The following SPTLC3 variants were observed in gnomAD, a reference collection of about 807,000 sequenced individuals.
SPTLC3 encodes the protein serine palmitoyltransferase long chain base subunit 3.
A neutral mutation model predicts 59.3 loss-of-function variants in SPTLC3; 36 were observed. That is an observed-to-expected ratio of 0.61 (90% CI 0.47 to 0.80). The LOEUF (loss-of-function observed/expected upper bound fraction) is 0.80, where lower values mean the gene tolerates loss of function less well. SPTLC3 is among the 30% of genes least tolerant of loss of function. SPTLC3 has a pLI of 0.00. For missense variants in SPTLC3, 625 were observed against 685.1 expected (o/e 0.91, Z 0.98); for synonymous variants, 257 against 240.8 (o/e 1.07, Z -0.62).
intron 1 of SPTLC3, among the ~76,000 whole-genome samples, chr20:13,026,909 C>A (rs1212673174): frequency 5.9e-5 from 9 of 152,172 alleles, no homozygotes; most frequent in African/African-American, 9.7e-5. Flanking sequence ...AGATTCAACA[C>A]CCCCTAGAAG....
chr20:13,094,782 C>T (rs1465487085), intron 6 of SPTLC3, among the ~76,000 whole-genome samples: 1 of 152,142 alleles, frequency 6.6e-6, no homozygotes, highest in Non-Finnish European at 1.5e-5. Context: ...CCTTACTGAG[C>T]CGCTTTCAGT....
At chr20:13,158,457 G>GCAGA (rs1285282264) in intron 10 of SPTLC3, among the ~76,000 whole-genome samples, 2 of 152,178 alleles carry the variant, frequency 1.3e-5, no homozygotes, top group Admixed American at 1.3e-4. Flanking sequence ...AGAGAAACAT[G>GCAGA]CAGACAGTGA....
chr20:13,056,798 G>A (rs1485865952), intron 2 of SPTLC3, among the ~76,000 whole-genome samples: 1 of 149,040 alleles, frequency 6.7e-6, no homozygotes, highest in African/African-American at 2.5e-5. Flanking sequence ...ATGGAGTGCA[G>A]TGGTGCAATC....
intron 9 of SPTLC3, among the ~76,000 whole-genome samples, chr20:13,146,182 A>C (rs1377351545): frequency 1.3e-5 from 2 of 152,186 alleles, no homozygotes; most frequent in African/African-American, 4.8e-5. Context: ...GGAACATAAA[A>C]CCAAATACCA....
chr20:13,153,166 T>C (rs1378979555), intron 9 of SPTLC3, among the ~76,000 whole-genome samples: 1 of 152,238 alleles, frequency 6.6e-6, no homozygotes, highest in Non-Finnish European at 1.5e-5. Flanking sequence ...TAGCTTTGGC[T>C]GGCTTACTTA....
intron 1 of SPTLC3, among the ~76,000 whole-genome samples, chr20:13,020,150 G>C (rs1041572756): frequency 2.0e-5 from 3 of 152,110 alleles, no homozygotes; most frequent in African/African-American, 7.2e-5. Context: ...CACCAAAAAA[G>C]AGAATATCAC....
rs1161992671 is a variant in SPTLC3, at chr20:13,165,995, A to C, written c.*1128A>C. 6.6e-6 allele frequency: 1 copy of C among 152,544 alleles called. No homozygotes were observed. The highest frequency in any genetic ancestry group is 1.5e-5 in the Non-Finnish European group (1 of 68,044). The allele number at this position is 152,544 out of a possible 1,614,324, so 9.4% of individuals were successfully genotyped here. On this transcript the variant is annotated 3_prime_UTR_variant, in exon 12 of 12. Coordinates refer to ENST00000399002, the MANE Select transcript of SPTLC3 (RefSeq NM_018327.4). ...TTGCTCTCCTTCTCAACATGAACAC[A>C]AACCTCTATGGAAAAGTAGCCTCTT...
intron 1 of SPTLC3, among the ~76,000 whole-genome samples, chr20:13,025,724 C>T (rs559336661): frequency 6.6e-6 from 1 of 152,244 alleles, no homozygotes; most frequent in African/African-American, 2.4e-5. Flanking sequence ...CCTGCAGAAA[C>T]CTTTTTTTAA....
In SPTLC3 at chr20:13,164,065, C is replaced by A. The variant is rs548649036; in HGVS notation, c.1546-689C>A. 7.2e-5 allele frequency among the ~76,000 whole-genome samples: 11 copies of A among 152,196 alleles called. No homozygotes were observed. In the East Asian group the frequency reaches 1.5e-3, roughly 21 times the overall value. ...GCTATCCCTCCCCACTCCCCCCATC[C>A]CACAACAGTCCCTGGTGTGTGATGT... On this transcript the variant is annotated intron_variant, in intron 11 of 11. Transcript: ENST00000399002.
intron 2 of SPTLC3, among the ~76,000 whole-genome samples, chr20:13,069,433 A>T (rs1190962760): frequency 6.6e-6 from 1 of 152,180 alleles, no homozygotes; most frequent in Non-Finnish European, 1.5e-5. Flanking sequence ...GTGAAGGGGT[A>T]TAGTTTCAGG....
intron 6 of SPTLC3, among the ~76,000 whole-genome samples, chr20:13,109,551 A>G (rs563011986): frequency 1.4e-4 from 22 of 152,342 alleles, no homozygotes; most frequent in Non-Finnish European, 2.8e-4. Context: ...ATAGGGCTCA[A>G]TAACTGTGAG....
chr20:13,052,131 A>G (rs976657127), intron 2 of SPTLC3, among the ~76,000 whole-genome samples: 10 of 152,158 alleles, frequency 6.6e-5, no homozygotes, highest in Non-Finnish European at 2.9e-5. Flanking sequence ...AGCAAGATCA[A>G]TGTAGAAGGC....
intron 4 of SPTLC3, among the ~76,000 whole-genome samples, chr20:13,079,528 T>G (rs898322586): frequency 2.6e-5 from 4 of 151,246 alleles, no homozygotes; most frequent in African/African-American, 9.7e-5. Flanking sequence ...AATAAATGAG[T>G]GAATGAATAA....
At chr20:13,028,131 C>G (rs1986250157) in intron 1 of SPTLC3, among the ~76,000 whole-genome samples, 1 of 152,184 alleles carries the variant, frequency 6.6e-6, no homozygotes, top group Admixed American at 6.5e-5. Flanking sequence ...TGCTTTTCAA[C>G]CACCTACTTT....
intron 6 of SPTLC3, among the ~76,000 whole-genome samples, chr20:13,097,073 C>T (rs1413710755): frequency 6.6e-6 from 1 of 152,060 alleles, no homozygotes; most frequent in Non-Finnish European, 1.5e-5. Context: ...TATGTTATTA[C>T]TATTATTACC....
intron 2 of SPTLC3, chr20:13,050,532 C>T (rs960417528): frequency 1.3e-5 from 2 of 152,128 alleles, no homozygotes; most frequent in Non-Finnish European, 2.9e-5. Flanking sequence ...TTGAGGAAAA[C>T]TTCCCTGGCC....
At chr20:13,112,329 TATAG>T (rs1436301194) in intron 7 of SPTLC3, among the ~76,000 whole-genome samples, 1 of 152,220 alleles carries the variant, frequency 6.6e-6, no homozygotes, top group Non-Finnish European at 1.5e-5. Flanking sequence ...CAGCTTTCTC[TATAG>T]ATAGTCTCTT....
At chr20:13,122,153 C>T (rs186305985) in intron 8 of SPTLC3, among the ~76,000 whole-genome samples, 20 of 152,286 alleles carry the variant, frequency 1.3e-4, no homozygotes, top group South Asian at 2.1e-4. Context: ...TTCCATTAGA[C>T]GGTCAATATT....
At chr20:13,043,186 C>A (rs1229125988) in intron 1 of SPTLC3, among the ~76,000 whole-genome samples, 2 of 152,122 alleles carry the variant, frequency 1.3e-5, no homozygotes, top group Non-Finnish European at 2.9e-5. Flanking sequence ...TGTGGAAAAC[C>A]CCAAATACGT....
Sources: gnomAD v4.1 joint callset for allele counts (sites outside exome capture counted in the v4.1 genomes callset) on GRCh38, gnomAD v4.1.1 for gene constraint, MANE v1.5 for transcripts, NCBI Gene and HGNC (gene_info 2026-07-23, HGNC 2026-07-21) for gene names.